Variants in ALPK2 observed in about 807,000 individuals in gnomAD.
ALPK2 encodes the protein alpha-protein kinase 2.
ALPK2 carries 127 observed loss-of-function variants against 163.1 expected under a neutral mutation model. That is an observed-to-expected ratio of 0.78 (90% confidence interval 0.67 to 0.90). The LOEUF (loss-of-function observed/expected upper bound fraction) is 0.90, where lower values mean the gene tolerates loss of function less well. ALPK2 is among the 40% of genes least tolerant of loss of function. The probability of loss-of-function intolerance (pLI) is 0.00; values close to 1 mark genes in which losing one functional copy is unlikely to be tolerated. For synonymous variants in ALPK2, 953 were observed against 959.1 expected (o/e 0.99, Z 0.12); for missense variants, 2,360 against 2,589.6 (o/e 0.91, Z 1.92).
chr18:58,532,119 T>C (rs1396019490), intron 5 of ALPK2, among the ~76,000 whole-genome samples: 2 of 152,086 alleles, frequency 1.3e-5, no homozygotes, highest in African/African-American at 2.4e-5. Context: ...TTCAGTGCAT[T>C]CATTATCAAA....
chr18:58,546,922 G>T (rs2051720444), intron 4 of ALPK2, among the ~76,000 whole-genome samples: 1 of 152,100 alleles, frequency 6.6e-6, no homozygotes, highest in Admixed American at 6.6e-5. Context: ...TCTCTGGGGG[G>T]TTTTTTGGTT....
At chr18:58,600,666 A>T (rs1177191932) in intron 3 of ALPK2, 2 of 152,270 alleles carry the variant, frequency 1.3e-5, no homozygotes, top group Non-Finnish European at 1.5e-5. Flanking sequence ...TGTGAGGTGC[A>T]ACAGTTAATA....
intron 1 of ALPK2, among the ~76,000 whole-genome samples, chr18:58,618,581 C>T (rs978489070): frequency 6.6e-6 from 1 of 152,186 alleles, no homozygotes; most frequent in Non-Finnish European, 1.5e-5. Context: ...ATGTAATGCT[C>T]TTCTGAATAG....
chr18:58,522,737 C>T (rs953882650), intron 8 of ALPK2, among the ~76,000 whole-genome samples: 6 of 152,052 alleles, frequency 3.9e-5, no homozygotes, highest in Admixed American at 6.5e-5. Flanking sequence ...AATGCAAGAC[C>T]GATGCTTAAA....
Position 58,580,136 on chromosome 18 carries a change from C to G in ALPK2, c.640G>C (p.Gly214Arg), listed in dbSNP as rs773555640. ...DPSNTEEIAN[G>R]LLFLNSSHIY... ...TGACTTGAATTAAGAAAAAGCAACC[C>G]ATTTGCAATTTCTTCTGTGTTACTT... Residue 214 changes from glycine (G) to arginine (R), a missense_variant, in exon 4 of 13, where the codon GGG (glycine) becomes CGG (arginine). By Grantham distance (125) the Gly-to-Arg change is moderately radical. Coordinates refer to ENST00000361673, the MANE Select transcript of ALPK2 (RefSeq NM_052947.4). 1.2e-6 allele frequency: 2 copies of G among 1,614,200 alleles called. No homozygotes were observed. Among genetic ancestry groups the G allele is most frequent in the South Asian group, 1.1e-5 (1 of 91,080 alleles).
At position 58,506,831 on chromosome 18, in the gene ALPK2, T is replaced by A. The variant is rs556377152; in HGVS notation, c.6030-2683A>T. ...GTGGCAGGGGGCCGTCCTGTGCACG[T>A]AGCCTGTTTAGCCGCCTCCCTGGCT... On this transcript the variant is annotated intron_variant, in intron 10 of 12. Coordinates refer to ENST00000361673, the MANE Select transcript of ALPK2 (RefSeq NM_052947.4). 2.0e-5 allele frequency among the ~76,000 whole-genome samples: 3 copies of A among 152,336 alleles called. No individual in the cohort carries two copies. The East Asian group carries it at 5.8e-4, about 29-fold the overall frequency.
intron 4 of ALPK2, among the ~76,000 whole-genome samples, chr18:58,569,474 A>G (rs1251651894): frequency 6.6e-6 from 1 of 152,168 alleles, no homozygotes; most frequent in East Asian, 1.9e-4. Context: ...TTGGAACTTC[A>G]GTGTGTGTAT....
At chr18:58,622,150 C>A (rs554311850) in intron 1 of ALPK2, among the ~76,000 whole-genome samples, 8 of 152,138 alleles carry the variant, frequency 5.3e-5, no homozygotes, top group African/African-American at 1.9e-4. Context: ...AGTTCGAGAC[C>A]AGCCTGGCCA....
In ALPK2 at chr18:58,594,176, C is replaced by T. The variant is rs117787414; in HGVS notation, c.227+13146G>A. 4.6e-5 allele frequency among the ~76,000 whole-genome samples: 7 copies of T among 152,254 alleles called. No individual in the cohort carries two copies. The East Asian group carries it at 1.3e-3, about 29-fold the overall frequency. ...GGATGCATGGGGAGCGGTTTCCTGG[C>T]TTCCACTTGGCGCAGAAGCTCTGCC... On this transcript the variant is annotated intron_variant, in intron 3 of 12. Coordinates refer to ENST00000361673, the MANE Select transcript of ALPK2 (RefSeq NM_052947.4).
chr18:58,494,778 A>T (rs1252061103), intron 12 of ALPK2, among the ~76,000 whole-genome samples: 1 of 152,196 alleles, frequency 6.6e-6, no homozygotes, highest in East Asian at 1.9e-4. Flanking sequence ...TGCTGTCTGC[A>T]GTCTGCGATG....
intron 5 of ALPK2, 60 bp from the exon 6 acceptor site, chr18:58,529,298 A>C: frequency 6.8e-7 from 1 of 1,464,130 alleles, no homozygotes; most frequent in South Asian, 1.3e-5. Flanking sequence ...CATACCATTT[A>C]ATTCTCATAA....
chr18:58,487,237 C>T (rs927193143), intron 12 of ALPK2, among the ~76,000 whole-genome samples: 7 of 152,138 alleles, frequency 4.6e-5, no homozygotes, highest in Non-Finnish European at 8.8e-5. Flanking sequence ...ACTGGTGTCT[C>T]ATAAGAAGAT....
intron 8 of ALPK2, among the ~76,000 whole-genome samples, chr18:58,521,692 A>T (rs1179676098): frequency 8.3e-6 from 1 of 120,450 alleles, no homozygotes; most frequent in Non-Finnish European, 1.6e-5. Context: ...CAGTGGCGTG[A>T]TCTCAGCTCA....
chr18:58,566,654 A>G (rs1002753974), intron 4 of ALPK2: 1 of 152,258 alleles, frequency 6.6e-6, no homozygotes, highest in Non-Finnish European at 1.5e-5. Flanking sequence ...CTACTCCTCA[A>G]AATAAAACAC....
intron 4 of ALPK2, among the ~76,000 whole-genome samples, chr18:58,577,701 A>G (rs942506187): frequency 6.6e-6 from 1 of 152,222 alleles, no homozygotes; most frequent in Non-Finnish European, 1.5e-5. Context: ...GGCCAGCAGA[A>G]CAGAACAATT....
chr18:58,553,848 T>TTG (rs2051772689), intron 4 of ALPK2, among the ~76,000 whole-genome samples: 1 of 124,314 alleles, frequency 8.0e-6, no homozygotes, highest in Non-Finnish European at 1.6e-5. Flanking sequence ...GTTTTTTTTT[T>TTG]GGTTTTTTTT....
chr18:58,537,606 C>T lies in ALPK2; in HGVS notation c.2581G>A (p.Glu861Lys), dbSNP rs371849715. 1 of 1,613,562 alleles carries T rather than the reference C, an allele frequency of 6.2e-7. No homozygotes were observed. Among genetic ancestry groups the T allele is most frequent in the Non-Finnish European group, 8.5e-7 (1 of 1,179,638 alleles). Reference sequence around the variant, plus strand: ...GACACTTGTGTCTGAAAAAAGACTTCCAGTGTCTTGTCATTAGAAGAACAT... The same window carrying T: ...GACACTTGTGTCTGAAAAAAGACTTTCAGTGTCTTGTCATTAGAAGAACAT... ...DLCSSNDKTL[E>K]VFFQTQVSET... The change falls in exon 5 of 13, where the codon GAA becomes AAA. Residue 861 changes from glutamate to lysine, a missense_variant. Physicochemically the swap from Glu to Lys is moderately conservative, Grantham distance 56. Coordinates refer to ENST00000361673, the MANE Select transcript of ALPK2 (RefSeq NM_052947.4).
chr18:58,503,674 G>A (rs1026821106), intron 11 of ALPK2, among the ~76,000 whole-genome samples: 2 of 152,118 alleles, frequency 1.3e-5, no homozygotes, highest in East Asian at 1.9e-4. Context: ...ACTCCAGCCT[G>A]GGTGACAGAG....
intron 12 of ALPK2, among the ~76,000 whole-genome samples, chr18:58,490,959 G>A (rs73443182): frequency 2.0e-4 from 31 of 152,308 alleles, no homozygotes; most frequent in African/African-American, 7.0e-4. Context: ...GTTAGTATCT[G>A]AAATGGAAAC....
Sources: gnomAD v4.1 joint callset for allele counts (sites outside exome capture counted in the v4.1 genomes callset) on GRCh38, gnomAD v4.1.1 for gene constraint, MANE v1.5 for transcripts, NCBI Gene and HGNC (gene_info 2026-07-23, HGNC 2026-07-21) for gene names.